The following MYT1L variants were observed in gnomAD, a reference collection of about 807,000 sequenced individuals.
MYT1L encodes myelin transcription factor 1 like.
Under a neutral mutation model 126.7 loss-of-function variants are expected in MYT1L, and 12 were observed. The ratio of observed to expected loss-of-function variants is 0.09; its 90% CI spans 0.06 to 0.15. The LOEUF (loss-of-function observed/expected upper bound fraction) is 0.15. Among genes scored for constraint, MYT1L ranks in the 10% least tolerant of loss-of-function variants. The pLI is 1.00. For synonymous variants in MYT1L, 541 were observed against 604.2 expected (o/e 0.90, Z 1.53); for missense variants, 979 against 1,585.2 (o/e 0.62, Z 6.49).
At chr2:1,991,130 C>T (rs2061423372) in intron 5 of MYT1L, among the ~76,000 whole-genome samples, 1 of 152,204 alleles carries the variant, frequency 6.6e-6, no homozygotes, top group Non-Finnish European at 1.5e-5. Flanking sequence ...CTACGTCTCT[C>T]ATTCAATATC....
intron 1 of MYT1L, among the ~76,000 whole-genome samples, chr2:2,311,022 T>C (rs1043553941): frequency 3.3e-5 from 5 of 152,174 alleles, no homozygotes; most frequent in African/African-American, 9.7e-5. Context: ...CTTTCCCCAA[T>C]TGGGTCAACC....
intron 18 of MYT1L, among the ~76,000 whole-genome samples, chr2:1,863,063 G>C (rs985273736): frequency 6.6e-5 from 10 of 152,216 alleles, no homozygotes; most frequent in Non-Finnish European, 1.0e-4. Flanking sequence ...ATGGTAGCGT[G>C]TCCAGATGTG....
At chr2:2,303,623 G>T (rs1485607165) in intron 1 of MYT1L, 1 of 152,274 alleles carries the variant, frequency 6.6e-6, no homozygotes. Flanking sequence ...GCAGTTCTCA[G>T]CAGGCCCCAC....
intron 18 of MYT1L, among the ~76,000 whole-genome samples, chr2:1,857,164 T>C (rs1395999056): frequency 2.0e-5 from 3 of 152,196 alleles, no homozygotes; most frequent in Non-Finnish European, 2.9e-5. Flanking sequence ...TGACTCAGCA[T>C]CTTACAGGAG....
rs781215767 is a variant in MYT1L, at chr2:1,848,909, G to A, written c.2774+2732C>T. Reference sequence around the variant, plus strand: ...TCACAAGGTGCTCCACCTTCAGTACGCTAAAACCCCGAGAGGGCTCTGTCT... The same window carrying A: ...TCACAAGGTGCTCCACCTTCAGTACACTAAAACCCCGAGAGGGCTCTGTCT... On this transcript the variant is annotated intron_variant, in intron 19 of 24. Transcript: ENST00000647738. This position sits in a 1 kb window ranked among gnomAD's most constrained non-coding sequence, Gnocchi z 4.8. Among the ~76,000 whole-genome samples the A allele has an allele frequency of 6.6e-6, 1 of 152,118 alleles. No individual in the cohort carries two copies. Among genetic ancestry groups the A allele is most frequent in the Admixed American group, 6.5e-5 (1 of 15,268 alleles).
chr2:2,105,648 G>T (rs528219168), intron 3 of MYT1L, among the ~76,000 whole-genome samples: 9 of 152,216 alleles, frequency 5.9e-5, no homozygotes, highest in Non-Finnish European at 7.4e-5. Context: ...TTTCAAACAC[G>T]TTTAAAAAGT....
chr2:2,173,019 TTAAG>T lies in MYT1L; in HGVS notation c.-420-35_-420-32del, dbSNP rs537484198. The T allele has an allele frequency of 2.0e-5, 3 of 152,196 alleles. No individual in the cohort carries two copies. In the South Asian group the frequency reaches 6.2e-4, roughly 31 times the overall value. The allele number at this position is 152,196 out of a possible 1,614,324, so 9.4% of individuals were successfully genotyped here. On this transcript the variant is annotated intron_variant, in intron 2 of 24. Coordinates refer to ENST00000647738, the MANE Select transcript of MYT1L (RefSeq NM_001303052.2). The stretch of plus-strand genomic sequence containing the variant: ...GGATAGAGCGACAACACAAAATACC[TTAAG>T]TAAGAGAAGGGAGGAGGGCATAAGG...
rs2054691718 is a variant in MYT1L, at chr2:1,929,641, A to G, written c.506-6378T>C. Among the ~76,000 whole-genome samples the G allele has an allele frequency of 6.6e-6, 1 of 152,202 alleles. No individual in the cohort carries two copies. The highest frequency in any genetic ancestry group is 1.5e-5 in the Non-Finnish European group (1 of 68,044). ...GATTTCTGAGTTAACAGAGGTTAAA[A>G]TTCTCCCAGCAGAAGCTCCCACTAG... On this transcript the variant is annotated intron_variant, in intron 9 of 24. Transcript: ENST00000647738. This position sits in a 1 kb window ranked among gnomAD's most constrained non-coding sequence, Gnocchi z 4.7.
At chr2:1,854,240 C>G (rs113585126) in intron 18 of MYT1L, among the ~76,000 whole-genome samples, 1,872 of 152,210 alleles carry the variant, frequency 0.012, 36 homozygotes, top group African/African-American at 0.041. Flanking sequence ...CAACTCACAA[C>G]TGCTAACTTG....
chr2:2,220,604 T>C (rs1262601543), intron 2 of MYT1L, among the ~76,000 whole-genome samples: 1 of 152,174 alleles, frequency 6.6e-6, no homozygotes. Context: ...TAATAGAGAT[T>C]CTTTACAGGG....
intron 3 of MYT1L, among the ~76,000 whole-genome samples, chr2:2,105,502 TCATGA>T (rs2078643641): frequency 6.6e-6 from 1 of 152,234 alleles, no homozygotes; most frequent in Non-Finnish European, 1.5e-5. Context: ...TTATTTCTGC[TCATGA>T]CATAAGAACA....
intron 1 of MYT1L, chr2:2,304,137 C>T (rs559002714): frequency 6.6e-6 from 1 of 152,348 alleles, no homozygotes; most frequent in South Asian, 2.1e-4. Context: ...AACAAATTCA[C>T]TATTTAAATT....
At chr2:1,844,125 C>T (rs562561597) in intron 19 of MYT1L, among the ~76,000 whole-genome samples, 248 of 152,238 alleles carry the variant, frequency 1.6e-3, no homozygotes, top group Non-Finnish European at 1.1e-3. Context: ...GTGGGCAGCT[C>T]GGCACCTGTG....
intron 1 of MYT1L, among the ~76,000 whole-genome samples, chr2:2,295,003 A>G (rs1277347201): frequency 1.3e-5 from 2 of 152,146 alleles, no homozygotes; most frequent in Admixed American, 1.3e-4. Context: ...GTATTCAGGC[A>G]GAGACCGGAT....
At chr2:2,205,249 C>T (rs1479287780) in intron 2 of MYT1L, among the ~76,000 whole-genome samples, 1 of 151,458 alleles carries the variant, frequency 6.6e-6, no homozygotes, top group African/African-American at 2.4e-5. Context: ...CACATGTACC[C>T]TAAAACGTAA....
chr2:2,297,191 G>A (rs990291470), intron 1 of MYT1L, among the ~76,000 whole-genome samples: 3 of 152,216 alleles, frequency 2.0e-5, no homozygotes, highest in South Asian at 2.1e-4. Context: ...CCGTGGCGCC[G>A]CTCTGAGTCT....
intron 1 of MYT1L, among the ~76,000 whole-genome samples, chr2:2,285,706 G>T (rs1192324224): frequency 1.3e-5 from 2 of 152,186 alleles, no homozygotes; most frequent in Non-Finnish European, 2.9e-5. Context: ...CATGTCAACT[G>T]CTCCCATTTC....
intron 21 of MYT1L, among the ~76,000 whole-genome samples, chr2:1,832,440 T>G (rs961457984): frequency 6.6e-6 from 1 of 152,230 alleles, no homozygotes; most frequent in Non-Finnish European, 1.5e-5. Flanking sequence ...TCTTTCCTTG[T>G]GTTCCCAACT....
chr2:2,259,690 A>G (rs1179641679), intron 2 of MYT1L, among the ~76,000 whole-genome samples: 4 of 152,252 alleles, frequency 2.6e-5, no homozygotes, highest in African/African-American at 9.6e-5. Context: ...GCTAGTATCG[A>G]TCCATTCCAG....
Sources: gnomAD v4.1 joint callset for allele counts (sites outside exome capture counted in the v4.1 genomes callset) on GRCh38, gnomAD v4.1.1 for gene constraint, Gnocchi (gnomAD v3.1) non-coding constraint, MANE v1.5 for transcripts, NCBI Gene and HGNC (gene_info 2026-07-23, HGNC 2026-07-21) for gene names.